The following MED13 variants were observed in gnomAD, a reference collection of about 807,000 sequenced individuals.
The protein encoded by MED13 is mediator of RNA polymerase II transcription subunit 13.
MED13 carries 23 observed loss-of-function variants against 225.2 expected under a neutral mutation model. The observed-to-expected ratio is 0.10, with a 90% CI of 0.07 to 0.14. The LOEUF is 0.14. MED13 is among the 10% of genes least tolerant of loss of function. The pLI is 1.00. For synonymous variants in MED13, 942 were observed against 889.2 expected, an observed-to-expected ratio of 1.06 and a Z score of -1.06; for missense variants, 2,197 against 2,594.5, an observed-to-expected ratio of 0.85 and a Z score of 3.33.
intron 5 of MED13, chr17:62,032,575 A>C (rs2080767308): frequency 6.6e-6 from 1 of 151,872 alleles, no homozygotes; most frequent in Non-Finnish European, 1.5e-5. Context: ...TTCTAATTCC[A>C]ATTATCTCCT....
rs202062658 is a variant in MED13, at chr17:61,982,285, G to A, written c.3718C>T (p.Arg1240Cys). 2.5e-5 allele frequency: 41 copies of A among 1,614,100 alleles called. No homozygotes were observed. Among genetic ancestry groups the A allele is most frequent in the Non-Finnish European group, 3.1e-5 (37 of 1,180,030 alleles). Residue 1240 changes from arginine to cysteine, a missense_variant, in exon 16 of 30, where the codon CGT (arginine) becomes TGT (cysteine). By Grantham distance (180) the Arg-to-Cys change is radical (BLOSUM62 -3). Transcript: ENST00000397786. ...NDCYLALEHGRQFMDNMSGGK... is the reference protein window; with the variant it reads ...NDCYLALEHGCQFMDNMSGGK... ...CCTGACATGTTATCCATGAACTGACGCCCATGTTCTAATGCAAGGTAGCAG... is the reference window on the plus strand; with the variant it reads ...CCTGACATGTTATCCATGAACTGACACCCATGTTCTAATGCAAGGTAGCAG...
At chr17:62,050,873 C>T (rs538165822) in intron 3 of MED13, among the ~76,000 whole-genome samples, 3 of 152,110 alleles carry the variant, frequency 2.0e-5, no homozygotes, top group Non-Finnish European at 4.4e-5. Flanking sequence ...GGTGTGGTGG[C>T]ACACGCCTAT....
At chr17:62,059,114 G>T (rs1486379485) in intron 2 of MED13, among the ~76,000 whole-genome samples, 1 of 152,154 alleles carries the variant, frequency 6.6e-6, no homozygotes, top group Non-Finnish European at 1.5e-5. Context: ...ACAATTAAAT[G>T]TAATAGGGGT....
rs2143791792 is a variant in MED13 at position 62,063,282 on chromosome 17, T to C, written c.86A>G (p.Lys29Arg). The part of the protein sequence containing the change: ...LFCLADLTGI[K>R]WKKYVWQGPT... The stretch of plus-strand genomic sequence containing the variant: ...GCCTTGCCATACATATTTTTTCCAC[T>C]TAATTCCTGTCAAGTCAGCCTGAAG... Residue 29 changes from lysine to arginine, a missense_variant, in exon 2 of 30, where the codon AAG becomes AGG. Transcript: ENST00000397786. 6.2e-7 allele frequency: 1 copy of C among 1,613,000 alleles called. No individual in the cohort carries two copies. Among genetic ancestry groups the C allele is most frequent in the East Asian group, 2.2e-5 (1 of 44,882 alleles).
intron 2 of MED13, among the ~76,000 whole-genome samples, chr17:62,062,760 T>C (rs1233057633): frequency 6.6e-6 from 1 of 152,214 alleles, no homozygotes; most frequent in African/African-American, 2.4e-5. Flanking sequence ...TTAGGAACTC[T>C]GTTTCCTGAT....
intron 3 of MED13, chr17:62,036,796 T>C (rs2080807448): frequency 6.6e-6 from 1 of 152,202 alleles, no homozygotes; most frequent in African/African-American, 2.4e-5. Context: ...AATAGAAATT[T>C]AAGCATGTTA....
intron 28 of MED13, among the ~76,000 whole-genome samples, 182 bp from the exon 29 acceptor site, chr17:61,947,199 T>G (rs575066076): frequency 7.0e-4 from 106 of 152,138 alleles, no homozygotes; most frequent in African/African-American, 2.2e-3. Context: ...GAAATGTTTT[T>G]TTTTTTTTTT....
chr17:61,965,088 G>C lies in MED13; in HGVS notation c.4762C>G (p.Gln1588Glu). ...TVQSGQLGGQ[Q>E]TSALQTAGIS... ...CCAGCTGTCTGTAGAGCTGATGTCT[G>C]TTGCCCTCCTAGCTGACCACTCTGA... The change falls in exon 20 of 30, where the codon CAG becomes GAG. Residue 1588 changes from glutamine to glutamate, a missense_variant. Physicochemically the swap from Gln to Glu is conservative, Grantham distance 29. Coordinates refer to ENST00000397786, the MANE Select transcript of MED13 (RefSeq NM_005121.3). 1.2e-6 allele frequency: 2 copies of C among 1,614,200 alleles called. No individual in the cohort carries two copies. Among genetic ancestry groups the C allele is most frequent in the South Asian group, 2.2e-5 (2 of 91,092 alleles).
intron 15 of MED13, 84 bp from the exon 16 acceptor site, chr17:61,983,198 A>C: frequency 9.4e-7 from 1 of 1,064,628 alleles, no homozygotes; most frequent in Non-Finnish European, 1.3e-6. Context: ...AAACGTCCCA[A>C]ATGTTTTTCA....
chr17:62,049,710 T>A (rs1264873876), intron 3 of MED13, among the ~76,000 whole-genome samples: 2 of 151,984 alleles, frequency 1.3e-5, no homozygotes, highest in Admixed American at 6.6e-5. Flanking sequence ...GGTGGGCGGA[T>A]CACAAGGTCA....
At chr17:62,038,718 C>A (rs979573970) in intron 3 of MED13, among the ~76,000 whole-genome samples, 5 of 152,144 alleles carry the variant, frequency 3.3e-5, no homozygotes, top group Non-Finnish European at 5.9e-5. Flanking sequence ...CACTGGAGTG[C>A]AGTGATACAA....
chr17:61,969,012 A>G (rs1435299524), intron 17 of MED13, among the ~76,000 whole-genome samples: 1 of 152,084 alleles, frequency 6.6e-6, no homozygotes, highest in Non-Finnish European at 1.5e-5. Flanking sequence ...TCAGCCTCCC[A>G]AAGTGCTGGG....
chr17:62,048,297 T>C (rs1419164943), intron 3 of MED13, among the ~76,000 whole-genome samples: 1 of 143,522 alleles, frequency 7.0e-6, no homozygotes, highest in Non-Finnish European at 1.5e-5. Flanking sequence ...CCCAGCTACT[T>C]GGGAGGCTGA....
chr17:62,008,317 C>CAAAAAAAAAAAAAAAAAAAAAA (rs766909961), intron 9 of MED13, among the ~76,000 whole-genome samples: 4 of 33,206 alleles, frequency 1.2e-4, no homozygotes, highest in African/African-American at 3.2e-4. Flanking sequence ...GGCTCTGTCT[C>CAAAAAAAAAAAAAAAAAAAAAA]AAAAAAAAAA....
chr17:61,988,146 A>C (rs2080264363), intron 11 of MED13, among the ~76,000 whole-genome samples: 1 of 152,160 alleles, frequency 6.6e-6, no homozygotes, highest in South Asian at 2.1e-4. Context: ...TCCACCACTA[A>C]CAGTATGACC....
chr17:61,965,504 TA>T (rs1308811282), intron 19 of MED13, 36 bp from the exon 20 acceptor site: 1 of 1,544,142 alleles, frequency 6.5e-7, no homozygotes, highest in Non-Finnish European at 8.8e-7. Context: ...TTTAATTCTT[TA>T]TTTCACTGAC....
intron 2 of MED13, among the ~76,000 whole-genome samples, chr17:62,058,144 A>G (rs1052476471): frequency 1.1e-4 from 16 of 152,022 alleles, no homozygotes; most frequent in Non-Finnish European, 2.2e-4. Context: ...CTGAGCTAAG[A>G]TTTTCCCATC....
At chr17:62,036,951 C>G (rs777947716) in intron 3 of MED13, 1 of 152,122 alleles carries the variant, frequency 6.6e-6, no homozygotes, top group Non-Finnish European at 1.5e-5. Context: ...CTAAAAAATG[C>G]TTTTAATCGA....
chr17:62,001,113 A>T (rs2080390942), intron 9 of MED13, among the ~76,000 whole-genome samples: 1 of 152,092 alleles, frequency 6.6e-6, no homozygotes, highest in South Asian at 2.1e-4. Context: ...ACGCTACTTT[A>T]AAAAAATCAG....
Sources: allele counts gnomAD v4.1 joint callset (sites outside exome capture counted in the v4.1 genomes callset), GRCh38; gene constraint gnomAD v4.1.1; transcripts MANE v1.5; gene names NCBI Gene and HGNC (gene_info 2026-07-23, HGNC 2026-07-21).